The following PLCB4 variants were observed in gnomAD, a reference collection of about 807,000 sequenced individuals.
The protein encoded by PLCB4 is 1-phosphatidylinositol 4,5-bisphosphate phosphodiesterase beta-4.
In PLCB4, 77 loss-of-function variants were observed where a neutral mutation model predicts 178.8. The observed-to-expected ratio is 0.43, with a 90% CI of 0.36 to 0.52. The LOEUF is 0.52. Among genes scored for constraint, PLCB4 ranks in the 20% least tolerant of loss-of-function variants. The pLI, the probability that PLCB4 is intolerant of heterozygous loss-of-function variation, is 0.00. For synonymous variants in PLCB4, 496 were observed against 490.8 expected (o/e 1.01, Z -0.14); for missense variants, 1,024 against 1,453.4 (o/e 0.70, Z 4.80).
At chr20:9,445,922 A>G (rs1292008429) in intron 32 of PLCB4, among the ~76,000 whole-genome samples, 1 of 152,192 alleles carries the variant, frequency 6.6e-6, no homozygotes, top group African/African-American at 2.4e-5. Context: ...TTTAAATTGG[A>G]TCTCTTTTAT....
intron 32 of PLCB4, among the ~76,000 whole-genome samples, chr20:9,449,388 G>T (rs988715312): frequency 6.6e-6 from 1 of 152,104 alleles, no homozygotes; most frequent in Non-Finnish European, 1.5e-5. Flanking sequence ...AGTAGCTGAG[G>T]GAAGTTGGAC....
intron 12 of PLCB4, among the ~76,000 whole-genome samples, chr20:9,375,550 G>A (rs1175331744): frequency 6.6e-6 from 1 of 152,128 alleles, no homozygotes; most frequent in East Asian, 1.9e-4. Flanking sequence ...GCAAGAAAGA[G>A]CAAGTACTAC....
chr20:9,257,760 A>G (rs2094252044), intron 3 of PLCB4, among the ~76,000 whole-genome samples: 1 of 152,234 alleles, frequency 6.6e-6, no homozygotes, highest in Admixed American at 6.5e-5. Context: ...TGGGAAAAGT[A>G]GATAACTAAA....
intron 4 of PLCB4, among the ~76,000 whole-genome samples, chr20:9,312,981 T>C (rs1055554930): frequency 6.6e-6 from 1 of 152,176 alleles, no homozygotes; most frequent in Non-Finnish European, 1.5e-5. Context: ...CAACAGTAAA[T>C]AGTAGGTCAA....
chr20:9,206,299 CTTT>C (rs71184138), intron 2 of PLCB4, among the ~76,000 whole-genome samples: 1 of 96,092 alleles, frequency 1.0e-5, no homozygotes, highest in African/African-American at 3.9e-5. Context: ...TTTCTTTTTT[CTTT>C]TTTTTTTTTT....
intron 4 of PLCB4, among the ~76,000 whole-genome samples, chr20:9,335,993 C>T (rs2032407055): frequency 6.6e-6 from 1 of 152,160 alleles, no homozygotes; most frequent in African/African-American, 2.4e-5. Flanking sequence ...TGTTGTTGTT[C>T]CCCTGTAATT....
At chr20:9,440,786 G>T (rs1028360579) in intron 30 of PLCB4, among the ~76,000 whole-genome samples, 2 of 152,130 alleles carry the variant, frequency 1.3e-5, no homozygotes, top group Non-Finnish European at 2.9e-5. Context: ...ATGTTCCAGT[G>T]GGGTAGATAC....
intron 3 of PLCB4, among the ~76,000 whole-genome samples, chr20:9,250,908 G>A (rs1293840346): frequency 6.6e-6 from 1 of 152,234 alleles, no homozygotes; most frequent in Admixed American, 6.5e-5. Flanking sequence ...TCTGTGAAGA[G>A]TTTTGTAATC....
chr20:9,397,173 T>C (rs1228057469), intron 19 of PLCB4, among the ~76,000 whole-genome samples: 1 of 152,242 alleles, frequency 6.6e-6, no homozygotes, highest in African/African-American at 2.4e-5. Flanking sequence ...ATTTCAACAA[T>C]GCTCACAGTA....
At chr20:9,077,361 AG>A (rs1277048343) in intron 1 of PLCB4, among the ~76,000 whole-genome samples, 1 of 152,194 alleles carries the variant, frequency 6.6e-6, no homozygotes, top group African/African-American at 2.4e-5. Context: ...ATTTTGACAG[AG>A]CACTGATGAA....
chr20:9,091,766 A>G (rs2090689470), intron 1 of PLCB4, among the ~76,000 whole-genome samples: 2 of 152,058 alleles, frequency 1.3e-5, no homozygotes, highest in Middle Eastern at 3.4e-3. Flanking sequence ...ACATTTGACC[A>G]TTAAATACAC....
At chr20:9,140,120 G>A (rs1003613181) in intron 2 of PLCB4, among the ~76,000 whole-genome samples, 4 of 151,866 alleles carry the variant, frequency 2.6e-5, no homozygotes, top group Admixed American at 6.6e-5. Context: ...TCTAATATGC[G>A]TCTTTCCTTT....
chr20:9,383,843 G>A (rs1335096784), intron 13 of PLCB4, among the ~76,000 whole-genome samples: 1 of 152,150 alleles, frequency 6.6e-6, no homozygotes, highest in Non-Finnish European at 1.5e-5. Context: ...ATTGACAGAA[G>A]AAGAAGCTGA....
chr20:9,201,780 T>G (rs934327261), intron 2 of PLCB4, among the ~76,000 whole-genome samples: 1 of 152,150 alleles, frequency 6.6e-6, no homozygotes, highest in Admixed American at 6.5e-5. Flanking sequence ...TTCCCATGCA[T>G]TGTTGGGAAT....
chr20:9,332,972 A>G (rs899998412), intron 4 of PLCB4, among the ~76,000 whole-genome samples: 2 of 152,178 alleles, frequency 1.3e-5, no homozygotes, highest in African/African-American at 4.8e-5. Flanking sequence ...CATTACAAAA[A>G]GGGACTCCTG....
In PLCB4 at chr20:9,395,567, GC is replaced by G; in HGVS notation, c.1461del (p.Ser488ProfsTer6). ...AAGCATGATGGAAGCTGGAGAATCTGCCTCCCCAGCAAACATCTTAGAGGAC... is the reference window on the plus strand; with the variant it reads ...AAGCATGATGGAAGCTGGAGAATCTGCTCCCCAGCAAACATCTTAGAGGAC... ...LRSMMEAGES[A>X]SPANILEDDN... On this transcript the variant is annotated frameshift_variant, in exon 19 of 40. Transcript: ENST00000378473. LOFTEE classifies it high-confidence loss of function. The G allele has an allele frequency of 1.2e-6, 2 of 1,613,830 alleles. No individual in the cohort carries two copies. Among genetic ancestry groups the G allele is most frequent in the Non-Finnish European group, 1.7e-6 (2 of 1,179,794 alleles).
At chr20:9,100,670 A>G (rs1440837804) in intron 2 of PLCB4, among the ~76,000 whole-genome samples, 2 of 152,174 alleles carry the variant, frequency 1.3e-5, no homozygotes, top group African/African-American at 4.8e-5. Context: ...TGTTTCTTAC[A>G]TGCACCATGT....
At chr20:9,401,096 ATCT>A (rs1312599464) in intron 19 of PLCB4, among the ~76,000 whole-genome samples, 2 of 152,166 alleles carry the variant, frequency 1.3e-5, no homozygotes, top group South Asian at 2.1e-4. Context: ...GTTTTCTTGC[ATCT>A]TCTTATTTGC....
chr20:9,108,796 C>G (rs1485278148), intron 2 of PLCB4, among the ~76,000 whole-genome samples: 1 of 151,384 alleles, frequency 6.6e-6, no homozygotes, highest in South Asian at 2.1e-4. Context: ...CCAGGTGCAG[C>G]TGCCCAAACT....
Sources: gnomAD v4.1 joint callset for allele counts (sites outside exome capture counted in the v4.1 genomes callset) on GRCh38, gnomAD v4.1.1 for gene constraint, MANE v1.5 for transcripts, NCBI Gene and HGNC (gene_info 2026-07-23, HGNC 2026-07-21) for gene names.